Variants in CPXM2 observed in about 807,000 individuals in gnomAD.
CPXM2 encodes carboxypeptidase X, M14 family member 2, also known as inactive carboxypeptidase-like protein X2.
In CPXM2, 66 loss-of-function variants were observed where a neutral mutation model predicts 86.1. That is an observed-to-expected ratio of 0.77 (90% CI 0.63 to 0.94). The LOEUF is 0.94. Among genes scored for constraint, CPXM2 ranks in the 40% least tolerant of loss-of-function variants. The probability of loss-of-function intolerance (pLI) is 0.00; values close to 1 mark genes in which losing one functional copy is unlikely to be tolerated. For missense variants in CPXM2, 948 were observed against 1,026.3 expected (o/e 0.92, Z 1.04); for synonymous variants, 388 against 400.2 (o/e 0.97, Z 0.36).
At chr10:123,901,474 T>TGTGTGTGTGTGTG (rs1564818122) in intron 2 of CPXM2, among the ~76,000 whole-genome samples, 19 of 149,462 alleles carry the variant, frequency 1.3e-4, no homozygotes, top group African/African-American at 2.5e-4. Flanking sequence ...TGTGTGTGTG[T>TGTGTGTGTGTGTG]TTTCCCCTAT....
intron 2 of CPXM2, among the ~76,000 whole-genome samples, chr10:123,903,960 G>A (rs1590114410): frequency 1.3e-5 from 2 of 152,114 alleles, no homozygotes; most frequent in South Asian, 2.1e-4. Flanking sequence ...GCCCCCACAC[G>A]GCCCCAGCTG....
chr10:123,874,769 T>C (rs559500351), intron 2 of CPXM2, among the ~76,000 whole-genome samples: 14 of 152,338 alleles, frequency 9.2e-5, no homozygotes, highest in Non-Finnish European at 1.8e-4. Flanking sequence ...ACCCTTGTCA[T>C]GGGGATTCTG....
In CPXM2 at chr10:123,939,990, C is replaced by A. The variant is rs576112132; in HGVS notation, n.119+159G>T. Among the ~76,000 whole-genome samples, 4 of 152,304 alleles carry A rather than the reference C, an allele frequency of 2.6e-5. No individual in the cohort carries two copies. The South Asian group carries it at 8.3e-4, about 32-fold the overall frequency. On this transcript the variant is annotated intron_variant and non_coding_transcript_variant, in intron 1 of 19. Transcript: ENST00000368854. Reference sequence around the variant, plus strand: ...AGGACTTGAAGTCATGGAATTAGAGCAAGGAGACTTAGAAGAAGAGAATAC... The same window carrying A: ...AGGACTTGAAGTCATGGAATTAGAGAAAGGAGACTTAGAAGAAGAGAATAC...
chr10:123,780,978 C>CCTCTGTGTGGGCCTCT (rs1846920477), intron 6 of CPXM2, among the ~76,000 whole-genome samples: 1 of 152,214 alleles, frequency 6.6e-6, no homozygotes, highest in East Asian at 1.9e-4. Context: ...TGCCCACTTG[C>CCTCTGTGTGGGCCTCT]TACTGTGGCC....
At chr10:123,853,742 T>TAAACATACA (rs1489820921) in intron 3 of CPXM2, among the ~76,000 whole-genome samples, 4 of 152,048 alleles carry the variant, frequency 2.6e-5, no homozygotes, top group African/African-American at 9.7e-5. Context: ...CTGTCTCTAC[T>TAAACATACA]AAACATACAA....
At chr10:123,773,367 G>T (rs1378972194) in intron 7 of CPXM2, among the ~76,000 whole-genome samples, 1 of 152,018 alleles carries the variant, frequency 6.6e-6, no homozygotes, top group Non-Finnish European at 1.5e-5. Context: ...TCATTCCCCT[G>T]GTTGTGGTTA....
chr10:123,857,246 T>C (rs1297997176), intron 3 of CPXM2, among the ~76,000 whole-genome samples: 1 of 151,596 alleles, frequency 6.6e-6, no homozygotes, highest in African/African-American at 2.4e-5. Context: ...AAGTATTGAG[T>C]TATAAGGACT....
At chr10:123,755,676 C>A (rs1361688361) in intron 12 of CPXM2, among the ~76,000 whole-genome samples, 9 of 152,202 alleles carry the variant, frequency 5.9e-5, no homozygotes, top group Admixed American at 2.0e-4. Flanking sequence ...CATGCATAGA[C>A]CCTTCCAATG....
At chr10:123,759,451 C>A (rs1309154027) in intron 11 of CPXM2, among the ~76,000 whole-genome samples, 1 of 152,178 alleles carries the variant, frequency 6.6e-6, no homozygotes, top group East Asian at 1.9e-4. Context: ...AAATGAGAAA[C>A]CAGAGGGAGG....
rs145433195 is a variant in CPXM2 at position 123,816,106 on chromosome 10, T to C, written c.654-16907A>G. On this transcript the variant is annotated intron_variant, in intron 4 of 13. Coordinates refer to ENST00000241305, the MANE Select transcript of CPXM2 (RefSeq NM_198148.3). Reference sequence around the variant, plus strand: ...GAAGGGATCCAAAGGCTTAGGGAGATTGGGATGGTGGAGTGGATTAGTCAC... The same window carrying C: ...GAAGGGATCCAAAGGCTTAGGGAGACTGGGATGGTGGAGTGGATTAGTCAC... Among the ~76,000 whole-genome samples the C allele has an allele frequency of 1.8e-3, 273 of 151,958 alleles. 1 individual carries two copies. Among genetic ancestry groups the C allele is most frequent in the African/African-American group, 6.0e-3 (249 of 41,454 alleles).
chr10:123,785,711 C>A (rs1441854830), intron 6 of CPXM2, among the ~76,000 whole-genome samples: 1 of 151,432 alleles, frequency 6.6e-6, no homozygotes, highest in Non-Finnish European at 1.5e-5. Flanking sequence ...CGGCTCACTG[C>A]AAGCTCCGCC....
At chr10:123,866,451 G>A (rs1450998240) in intron 2 of CPXM2, among the ~76,000 whole-genome samples, 2 of 152,040 alleles carry the variant, frequency 1.3e-5, no homozygotes, top group East Asian at 3.9e-4. Context: ...TGTAATCCCA[G>A]CTACTCGGGA....
chr10:123,936,403 T>G (rs1377225981), intron 2 of CPXM2, among the ~76,000 whole-genome samples: 1 of 152,178 alleles, frequency 6.6e-6, no homozygotes, highest in Non-Finnish European at 1.5e-5. Context: ...TGTCTGCAGC[T>G]CTTATCGGCT....
chr10:123,874,577 AT>A lies in CPXM2; in HGVS notation c.403+5633del, dbSNP rs1030461074. ...TCTACCACAAGTGGTTTAAGTGCCA[AT>A]TTTTTTTTGTAAAGTTTTAGGGCAT... On this transcript the variant is annotated intron_variant, in intron 2 of 13. Transcript: ENST00000241305. Among the ~76,000 whole-genome samples, 35 of 151,820 alleles carry A rather than the reference AT, an allele frequency of 2.3e-4. 1 individual carries two copies. In the South Asian group the frequency reaches 6.7e-3, roughly 29 times the overall value.
chr10:123,766,769 T>A (rs1846484903), intron 10 of CPXM2, among the ~76,000 whole-genome samples: 1 of 152,208 alleles, frequency 6.6e-6, no homozygotes, highest in Admixed American at 6.5e-5. Flanking sequence ...GAAATACAAT[T>A]AGATGATTTC....
At chr10:123,931,105 G>A (rs1396802801) in intron 2 of CPXM2, among the ~76,000 whole-genome samples, 1 of 152,196 alleles carries the variant, frequency 6.6e-6, no homozygotes, top group African/African-American at 2.4e-5. Context: ...AGAAAACTCA[G>A]GGAAGGGACT....
intron 2 of CPXM2, among the ~76,000 whole-genome samples, chr10:123,918,563 G>T (rs937923355): frequency 1.3e-5 from 2 of 152,200 alleles, no homozygotes; most frequent in African/African-American, 4.8e-5. Context: ...CAGATGTTAT[G>T]TGCACAGAAT....
At chr10:123,897,665 T>G (rs1197636963) in intron 2 of CPXM2, among the ~76,000 whole-genome samples, 1 of 152,178 alleles carries the variant, frequency 6.6e-6, no homozygotes, top group Non-Finnish European at 1.5e-5. Flanking sequence ...AAGATCTAAG[T>G]TCTTTAAATT....
At chr10:123,796,171 G>A (rs548029056) in intron 6 of CPXM2, among the ~76,000 whole-genome samples, 9 of 152,354 alleles carry the variant, frequency 5.9e-5, no homozygotes, top group Middle Eastern at 6.8e-3. Flanking sequence ...CCACATCCAC[G>A]ATCAGGCCTT....
Sources: gnomAD v4.1 joint callset for allele counts (sites outside exome capture counted in the v4.1 genomes callset) on GRCh38, gnomAD v4.1.1 for gene constraint, MANE v1.5 for transcripts, NCBI Gene and HGNC (gene_info 2026-07-23, HGNC 2026-07-21) for gene names.